Variants in CAPN15 observed in about 807,000 individuals in gnomAD.
CAPN15 encodes calpain-15.
CAPN15 carries 53 observed loss-of-function variants against 97.9 expected under a neutral mutation model. The ratio of observed to expected loss-of-function variants is 0.54; its 90% confidence interval spans 0.43 to 0.68. CAPN15 has a LOEUF of 0.68. CAPN15 is among the 30% of genes least tolerant of loss of function. The pLI, the probability that CAPN15 is intolerant of heterozygous loss-of-function variation, is 0.00. For synonymous variants in CAPN15, 922 were observed against 722.5 expected, an observed-to-expected ratio of 1.28 and a Z score of -4.43; for missense variants, 1,592 against 1,589.8, an observed-to-expected ratio of 1.00 and a Z score of -0.02.
chr16:549,786 C>A lies in CAPN15; in HGVS notation c.2014C>A (p.Pro672Thr), dbSNP rs768807849. 5.0e-6 allele frequency: 8 copies of A among 1,592,314 alleles called. No homozygotes were observed. The Admixed American group carries it at 1.4e-4, about 27-fold the overall frequency. ...QLSSTNPREE[P>T]VDTDLIWAKM... Reference sequence around the variant, plus strand: ...CAGCTCCACTAACCCCCGCGAGGAGCCCGTTGACACTGACCTCATCTGGGC... The same window carrying A: ...CAGCTCCACTAACCCCCGCGAGGAGACCGTTGACACTGACCTCATCTGGGC... Residue 672 changes from proline (P) to threonine (T), a missense_variant, in exon 7 of 14, where the codon CCC (proline) becomes ACC (threonine). Pro to Thr is a conservative substitution (Grantham distance 38). Transcript: ENST00000219611.
chr16:549,247 C>G (rs1448601062), intron 5 of CAPN15, 41 bp from the exon 6 acceptor site: 1 of 1,543,096 alleles, frequency 6.5e-7, no homozygotes, highest in Non-Finnish European at 8.7e-7. Context: ...GGCGGGCGAC[C>G]GGCCGCGGTC....
intron 4 of CAPN15, among the ~76,000 whole-genome samples, 192 bp from the exon 5 acceptor site, chr16:548,801 G>A (rs1264159753): frequency 6.6e-6 from 1 of 152,238 alleles, no homozygotes; most frequent in African/African-American, 2.4e-5. Context: ...GTCGCCAGCC[G>A]GTGGCCTCTC....
intron 1 of CAPN15, among the ~76,000 whole-genome samples, chr16:533,656 T>C (rs2141955776): frequency 6.6e-6 from 1 of 152,172 alleles, no homozygotes; most frequent in East Asian, 1.9e-4. Context: ...TGAATGGCCC[T>C]GTCTGCGGTC....
At position 551,401 on chromosome 16, in the gene CAPN15, G is replaced by A; in HGVS notation, c.2166G>A (p.Leu722=). 1 of 1,609,858 alleles carries A rather than the reference G, an allele frequency of 6.2e-7. No individual in the cohort carries two copies. Among genetic ancestry groups the A allele is most frequent in the South Asian group, 1.1e-5 (1 of 90,908 alleles). Residue 722 remains leucine, a synonymous_variant, in exon 8 of 14, where the codon CTG becomes CTA. Transcript: ENST00000219611. ...GCCCCCGGCATGCCTACTCCATCCT[G>A]GATGTCCGAGATGTCCAGGGCACCA... The part of the protein sequence containing the change: ...GLRPRHAYSI[L]DVRDVQGTRL...
rs146182372 is a variant in CAPN15, at chr16:544,544, G to A, written c.-22-2273G>A. Among the ~76,000 whole-genome samples the A allele has an allele frequency of 6.6e-5, 10 of 152,240 alleles. No homozygotes were observed. The East Asian group carries it at 1.7e-3, about 27-fold the overall frequency. On this transcript the variant is annotated intron_variant, in intron 3 of 13. Coordinates refer to ENST00000219611, the MANE Select transcript of CAPN15 (RefSeq NM_005632.3). ...GGGCTCTGTCTTGCACGCAGCGAGC[G>A]GCTTCATCACCTCCCTTTTGAATTG...
Position 548,121 on chromosome 16 carries a change from G to C in CAPN15, c.1283G>C (p.Arg428Pro), listed in dbSNP as rs202055221. The C allele has an allele frequency of 2.6e-6, 4 of 1,535,662 alleles. No individual in the cohort carries two copies. In the Admixed American group the frequency reaches 7.9e-5, roughly 30 times the overall value. Residue 428 changes from arginine to proline, a missense_variant, in exon 4 of 14, where the codon CGG (arginine) becomes CCG (proline). Physicochemically the swap from Arg to Pro is moderately radical, Grantham distance 103 (BLOSUM62 -2). Coordinates refer to ENST00000219611, the MANE Select transcript of CAPN15 (RefSeq NM_005632.3). ...CPACTLLNALRAKHCAACHTP... is the reference protein window; with the variant it reads ...CPACTLLNALPAKHCAACHTP... ...GCCTGTACCCTGCTCAACGCACTGC[G>C]GGCCAAGCACTGCGCCGCCTGCCAC... is the stretch of plus-strand genomic sequence containing the variant.
rs201417530 is a variant in CAPN15 at position 553,324 on chromosome 16, G to A, written c.3084-15G>A. On this transcript the variant is annotated splice_polypyrimidine_tract_variant and intron_variant, in intron 13 of 13. Coordinates refer to ENST00000219611, the MANE Select transcript of CAPN15 (RefSeq NM_005632.3). ...ACCCTGCCCTCCACAGGTCCTCACC[G>A]GTCCCCTCCCCCAGGCAGGTCCTGG... 2,480 of 1,211,868 alleles carry A rather than the reference G, an allele frequency of 2.0e-3. 18 individuals are homozygous for A. The African/African-American group carries it at 0.026, about 13-fold the overall frequency. The allele number at this position is 1,211,868 out of a possible 1,614,324, so 75.1% of individuals were successfully genotyped here. A position where few individuals can be genotyped will look rare whatever the true frequency, so the allele number is the denominator to read the frequency against.
chr16:534,093 G>A (rs2033474037), intron 2 of CAPN15, 95 bp downstream of exon 2: 2 of 455,642 alleles, frequency 4.4e-6, no homozygotes, highest in African/African-American at 4.2e-5. Flanking sequence ...CCACGGCTGG[G>A]GGGCCTCTCG....
chr16:536,003 G>GCCCCCCCCC lies in CAPN15; in HGVS notation c.-136-19_-136-11dup, dbSNP rs34150277. ...CTCCTTGGTGACAGTGCCCCTGCAC[G>GCCCCCCCCC]CCCCCCCCCCCCCCCGGTTATTCAG... On this transcript the variant is annotated intron_variant, in intron 2 of 13. Transcript: ENST00000219611. 8.8e-5 allele frequency: 3 copies of GCCCCCCCCC among 34,072 alleles called. 1 individual carries two copies. The highest frequency in any genetic ancestry group is 1.3e-3 in the Admixed American group (2 of 1,530). 2.1% of individuals were successfully genotyped at this position (34,072 alleles called of 1,614,324 possible).
intron 3 of CAPN15, chr16:539,346 C>T (rs529137082): frequency 1.4e-4 from 21 of 152,422 alleles, no homozygotes; most frequent in Admixed American, 1.0e-3. Flanking sequence ...GGGAGTGTAT[C>T]GGACTCTGGG....
Position 547,213 on chromosome 16 carries a change from C to A in CAPN15, c.375C>A (p.Asp125Glu), listed in dbSNP as rs1043275133. Reference sequence around the variant, plus strand: ...AGCCCGCCAGGGGGCAGTGCGAGGACAAGGACGAGGAGGAGAAGGAGGAGC... The same window carrying A: ...AGCCCGCCAGGGGGCAGTGCGAGGAAAAGGACGAGGAGGAGAAGGAGGAGC... ...ATEPARGQCEDKDEEEKEEQE... is the reference protein window; with the variant it reads ...ATEPARGQCEEKDEEEKEEQE... The change falls in exon 4 of 14, where the codon GAC becomes GAA. Residue 125 changes from aspartate (D) to glutamate (E), a missense_variant. Physicochemically the swap from Asp to Glu is conservative, Grantham distance 45. Coordinates refer to ENST00000219611, the MANE Select transcript of CAPN15 (RefSeq NM_005632.3). The A allele has an allele frequency of 8.5e-6, 13 of 1,527,860 alleles. No homozygotes were observed. The Admixed American group carries it at 1.6e-4, about 19-fold the overall frequency. The allele number at this position is 1,527,860 out of a possible 1,614,324, so 94.6% of individuals were successfully genotyped here.
rs1437387616 is a variant in CAPN15, at chr16:553,039, C to T, written c.3081C>T (p.His1027=). Residue 1027 remains histidine (H), a splice_region_variant and synonymous_variant, in exon 13 of 14, where the codon CAC becomes CAT. Coordinates refer to ENST00000219611, the MANE Select transcript of CAPN15 (RefSeq NM_005632.3). ...LRTQDSVPPL[H]RQVLVILSQL... is the part of the protein sequence containing the mutation. ...CCCAGGATAGCGTGCCACCCCTGCA[C>T]AGGTGCGCCCCCGCCCCTGCCCCCC... 3.3e-6 allele frequency: 5 copies of T among 1,523,146 alleles called. No individual in the cohort carries two copies. The highest frequency in any genetic ancestry group is 2.9e-5 in the African/African-American group (2 of 69,694). 94.4% of individuals were successfully genotyped at this position (1,523,146 alleles called of 1,614,324 possible). A position where few individuals can be genotyped will look rare whatever the true frequency, so the allele number is the denominator to read the frequency against.
Position 549,657 on chromosome 16 carries a change from C to A in CAPN15, c.1885C>A (p.Leu629Met). The change falls in exon 7 of 14, where the codon CTG becomes ATG. Residue 629 changes from leucine to methionine, a missense_variant. By Grantham distance (15) the Leu-to-Met change is conservative. Around this residue, in one of 3 missense-constraint regions of CAPN15, gnomAD observed 644 missense variants for 699.6 expected, o/e 0.92. Coordinates refer to ENST00000219611, the MANE Select transcript of CAPN15 (RefSeq NM_005632.3). ...GTGGGTGGCCCTCATCGAGAAGGCG[C>A]TGGCCAAGCTGCACGGCTCCTACTT... ...QLWVALIEKA[L>M]AKLHGSYFAL... The A allele has an allele frequency of 6.4e-7, 1 of 1,559,194 alleles. No individual in the cohort carries two copies. Among genetic ancestry groups the A allele is most frequent in the Non-Finnish European group, 8.6e-7 (1 of 1,157,146 alleles).
At chr16:532,104 G>A (rs1011618986) in intron 1 of CAPN15, among the ~76,000 whole-genome samples, 10 of 152,046 alleles carry the variant, frequency 6.6e-5, no homozygotes, top group Non-Finnish European at 1.0e-4. Flanking sequence ...GCTGGGTGTG[G>A]TGGTGTGTGC....
chr16:532,710 G>A (rs1433300854), intron 1 of CAPN15, among the ~76,000 whole-genome samples: 7 of 151,674 alleles, frequency 4.6e-5, no homozygotes, highest in Non-Finnish European at 1.0e-4. Flanking sequence ...AAAATTAGCC[G>A]GGCCTGGTGG....
At chr16:530,066 G>A (rs541807753) in intron 1 of CAPN15, among the ~76,000 whole-genome samples, 15 of 152,328 alleles carry the variant, frequency 9.8e-5, no homozygotes, top group African/African-American at 3.6e-4. Flanking sequence ...GTACCCACTC[G>A]GTGTGGATGT....
chr16:534,107 C>T (rs72633255), intron 2 of CAPN15, 109 bp downstream of exon 2: 59,166 of 337,670 alleles, frequency 0.18, 5,722 homozygotes, highest in East Asian at 0.62. Flanking sequence ...CCTCTCGGAG[C>T]CCTTGATTCA....
At position 542,563 on chromosome 16, in the gene CAPN15, C is replaced by T. The variant is rs115727250; in HGVS notation, c.-22-4254C>T. ...GGCCTCTCTCCCTGTCTCATCCACC[C>T]GTGCCTGTCTTTTTTTCATTCATTC... On this transcript the variant is annotated intron_variant, in intron 3 of 13. Coordinates refer to ENST00000219611, the MANE Select transcript of CAPN15 (RefSeq NM_005632.3). 6.7e-3 allele frequency among the ~76,000 whole-genome samples: 1,023 copies of T among 152,258 alleles called. 6 individuals are homozygous for T. The highest frequency in any genetic ancestry group is 0.021 in the African/African-American group (876 of 41,532).
intron 3 of CAPN15, among the ~76,000 whole-genome samples, chr16:542,095 C>T (rs2142002776): frequency 6.6e-6 from 1 of 152,282 alleles, no homozygotes. Context: ...CGTGTCTGGC[C>T]TCTTCACTCG....
Sources: allele counts gnomAD v4.1 joint callset (sites outside exome capture counted in the v4.1 genomes callset), GRCh38; gene constraint gnomAD v4.1.1; regional missense constraint gnomAD v4.1.1; transcripts MANE v1.5; gene names NCBI Gene and HGNC (gene_info 2026-07-23, HGNC 2026-07-21).